The following LINGO1 variants were observed in gnomAD, a reference collection of about 807,000 sequenced individuals.
LINGO1 encodes the protein leucine-rich repeat and immunoglobulin-like domain-containing nogo receptor-interacting protein 1.
Under a neutral mutation model 37.3 loss-of-function variants are expected in LINGO1, and 11 were observed. The ratio of observed to expected loss-of-function variants is 0.29; its 90% CI spans 0.19 to 0.49. The LOEUF (loss-of-function observed/expected upper bound fraction) is 0.49. Among genes scored for constraint, LINGO1 ranks in the 20% least tolerant of loss-of-function variants. LINGO1 has a pLI of 0.99. For missense variants in LINGO1, 585 were observed against 878.2 expected, an observed-to-expected ratio of 0.67 and a Z score of 4.22; for synonymous variants, 387 against 403.0, an observed-to-expected ratio of 0.96 and a Z score of 0.48.
intron 3 of LINGO1, among the ~76,000 whole-genome samples, chr15:77,649,983 C>G (rs1326793868): frequency 6.6e-6 from 1 of 152,246 alleles, no homozygotes; most frequent in Non-Finnish European, 1.5e-5. Context: ...TAACAATGGC[C>G]AATGCCCCCC....
At chr15:77,762,082 T>A (rs562848396) in intron 1 of LINGO1, among the ~76,000 whole-genome samples, 3 of 152,306 alleles carry the variant, frequency 2.0e-5, no homozygotes, top group Admixed American at 2.0e-4. Flanking sequence ...CCTGGCAGGT[T>A]TGGCTGCAGC....
intron 3 of LINGO1, among the ~76,000 whole-genome samples, chr15:77,657,421 A>G (rs910372010): frequency 1.3e-5 from 2 of 152,174 alleles, no homozygotes; most frequent in Non-Finnish European, 1.5e-5. Flanking sequence ...CCCCTTCACC[A>G]GCTCAGGCCA....
At position 77,704,570 on chromosome 15, in the gene LINGO1, C is replaced by T. The variant is rs75457897; in HGVS notation, c.-194-13669G>A. ...ACTGAGCCCCAACCCTGGTCACACA[C>T]TGAGCTCTGACCCTGGTCAGACACT... On this transcript the variant is annotated intron_variant, in intron 2 of 3. Coordinates refer to the LINGO1 transcript ENST00000561686. Among the ~76,000 whole-genome samples the T allele has an allele frequency of 2.1e-3, 318 of 150,484 alleles. 1 individual carries two copies. The highest frequency in any genetic ancestry group is 7.8e-3 in the African/African-American group (311 of 39,960).
intron 1 of LINGO1, among the ~76,000 whole-genome samples, chr15:77,780,971 GT>G (rs1219030974): frequency 6.6e-6 from 1 of 152,078 alleles, no homozygotes; most frequent in Non-Finnish European, 1.5e-5. Context: ...AGATGAAGAA[GT>G]CAAGGAGAGC....
chr15:77,801,354 G>T (rs991836060), intron 1 of LINGO1, among the ~76,000 whole-genome samples: 1 of 152,136 alleles, frequency 6.6e-6, no homozygotes, highest in African/African-American at 2.4e-5. Flanking sequence ...AGTGAGGCAC[G>T]TCTATGTATA....
rs143405934 is a variant in LINGO1 at position 77,664,170 on chromosome 15, T to TGCGCGCGCGCGTGCGC, written c.-13+12918_-13+12919insGCGCACGCGCGCGCGC. Reference sequence around the variant, plus strand: ...GTGTGTGTGTGTGTGTGTGTGTGTGTGCGCGCGCGCATGCGTTTGCATTCT... The same window carrying TGCGCGCGCGCGTGCGC: ...GTGTGTGTGTGTGTGTGTGTGTGTGTGCGCGCGCGCGTGCGCGCGCGCGCGCATGCGTTTGCATTCT... On this transcript the variant is annotated intron_variant, in intron 3 of 3. Transcript: ENST00000559893. 1.1e-3 allele frequency among the ~76,000 whole-genome samples: 150 copies of TGCGCGCGCGCGTGCGC among 130,990 alleles called. 1 individual carries two copies. Among genetic ancestry groups the TGCGCGCGCGCGTGCGC allele is most frequent in the Middle Eastern group, 7.3e-3 (2 of 274 alleles). The allele number at this position is 130,990 out of a possible 152,430, so 85.9% of individuals were successfully genotyped here. A position where few individuals can be genotyped will look rare whatever the true frequency, so the allele number is the denominator to read the frequency against.
intron 1 of LINGO1, among the ~76,000 whole-genome samples, chr15:77,776,195 G>A (rs1031889908): frequency 6.2e-5 from 9 of 144,302 alleles, no homozygotes; most frequent in African/African-American, 1.9e-4. Flanking sequence ...TAAATATTAC[G>A]TCTTCCCTGC....
intron 1 of LINGO1, among the ~76,000 whole-genome samples, chr15:77,811,233 T>C (rs2077003389): frequency 6.6e-6 from 1 of 152,230 alleles, no homozygotes; most frequent in African/African-American, 2.4e-5. Context: ...CCAAGCCTGA[T>C]AACATTCTCC....
chr15:77,684,354 T>A (rs2075467199), intron 2 of LINGO1, among the ~76,000 whole-genome samples: 1 of 152,176 alleles, frequency 6.6e-6, no homozygotes, highest in African/African-American at 2.4e-5. Context: ...AGAGGTTACA[T>A]GACTTGCTCA....
chr15:77,636,385 A>G (rs974277437), upstream of LINGO1, among the ~76,000 whole-genome samples: 3 of 152,238 alleles, frequency 2.0e-5, no homozygotes, highest in African/African-American at 7.2e-5. Context: ...GAAATTAATG[A>G]CGGCTCTAAA....
At chr15:77,663,406 AC>A (rs1338980556) in intron 3 of LINGO1, among the ~76,000 whole-genome samples, 1 of 152,122 alleles carries the variant, frequency 6.6e-6, no homozygotes, top group Non-Finnish European at 1.5e-5. Context: ...TCCCCCTGCC[AC>A]CCAGTCCAGT....
intron 1 of LINGO1, among the ~76,000 whole-genome samples, chr15:77,810,669 A>G (rs1481210562): frequency 6.6e-6 from 1 of 152,204 alleles, no homozygotes; most frequent in Non-Finnish European, 1.5e-5. Context: ...CTAGAGGAGG[A>G]ATGAGATCAT....
chr15:77,746,171 G>A lies in LINGO1; in HGVS notation c.-256-11118C>T, dbSNP rs531417734. Reference sequence around the variant, plus strand: ...TGCAGTGAGTTGTGTTCATGCCACTGCACTCTAGCCTGGGAGAGAGAGCGA... The same window carrying A: ...TGCAGTGAGTTGTGTTCATGCCACTACACTCTAGCCTGGGAGAGAGAGCGA... On this transcript the variant is annotated intron_variant, in intron 1 of 3. Coordinates refer to the LINGO1 transcript ENST00000561686. Among the ~76,000 whole-genome samples, 8 of 146,004 alleles carry A rather than the reference G, an allele frequency of 5.5e-5. No individual in the cohort carries two copies. In the Admixed American group the frequency reaches 5.6e-4, roughly 10 times the overall value.
chr15:77,692,936 C>T (rs1596116871), intron 1 of LINGO1, among the ~76,000 whole-genome samples: 2 of 152,224 alleles, frequency 1.3e-5, no homozygotes, highest in Non-Finnish European at 2.9e-5. Context: ...CTACTGAACA[C>T]GAAACGCCTG....
At chr15:77,793,186 C>T (rs968677983) in intron 2 of LINGO1, among the ~76,000 whole-genome samples, 18 of 152,168 alleles carry the variant, frequency 1.2e-4, no homozygotes, top group Non-Finnish European at 4.4e-5. Flanking sequence ...AGGAGGAGAC[C>T]TGGGCAAGGC....
chr15:77,794,713 G>A (rs1353914756), intron 2 of LINGO1, among the ~76,000 whole-genome samples: 4 of 150,618 alleles, frequency 2.7e-5, no homozygotes, highest in South Asian at 2.1e-4. Context: ...TCAGCCTCCC[G>A]AGTAGCTGGG....
intron 3 of LINGO1, chr15:77,646,374 T>C: frequency 2.3e-6 from 1 of 431,030 alleles, no homozygotes; most frequent in Non-Finnish European, 4.6e-6. Context: ...CACCCTCTGG[T>C]CTTGTCCCCA....
At chr15:77,653,714 CAA>C (rs2074810904) in intron 3 of LINGO1, among the ~76,000 whole-genome samples, 1 of 152,140 alleles carries the variant, frequency 6.6e-6, no homozygotes, top group Admixed American at 6.5e-5. Flanking sequence ...ACCCCAGAAG[CAA>C]AAGTCTTCCT....
chr15:77,650,369 C>T (rs2074733463), intron 3 of LINGO1, among the ~76,000 whole-genome samples: 1 of 152,284 alleles, frequency 6.6e-6, no homozygotes, highest in South Asian at 2.1e-4. Flanking sequence ...GCTTAAATGG[C>T]TCCCAGGTGG....
Sources: gnomAD v4.1 joint callset for allele counts (sites outside exome capture counted in the v4.1 genomes callset) on GRCh38, gnomAD v4.1.1 for gene constraint, MANE v1.5 for transcripts, NCBI Gene and HGNC (gene_info 2026-07-23, HGNC 2026-07-21) for gene names.